Variants in STAG2 observed in about 807,000 individuals in gnomAD.
The protein encoded by STAG2 is cohesin subunit SA-2.
A neutral mutation model predicts 108.1 loss-of-function variants in STAG2; 14 were observed. That is an observed-to-expected ratio of 0.13 (90% CI 0.09 to 0.20). STAG2 has a LOEUF of 0.20. STAG2 is among the 10% of genes least tolerant of loss of function. The pLI is 1.00. For synonymous variants in STAG2, 307 were observed against 302.7 expected (o/e 1.01, Z -0.15); for missense variants, 440 against 940.9 (o/e 0.47, Z 6.96).
intron 9 of STAG2, among the ~76,000 whole-genome samples, chrX:124,047,731 G>C (rs1375697200): frequency 8.9e-6 from 1 of 111,770 alleles, no homozygotes; most frequent in Non-Finnish European, 1.9e-5. Flanking sequence ...TTTAAGTAAG[G>C]GGACTGGGGT....
At chrX:124,065,421 A>T (rs2058496546) in intron 20 of STAG2, among the ~76,000 whole-genome samples, 1 of 111,551 alleles carries the variant, frequency 9.0e-6, no homozygotes, top group Non-Finnish European at 1.9e-5. Context: ...TCCAAATGGG[A>T]CCAGCATATC....
chrX:124,067,007 AGTG>A (rs2058549402), intron 23 of STAG2, among the ~76,000 whole-genome samples: 1 of 111,518 alleles, frequency 9.0e-6, no homozygotes, highest in African/African-American at 3.3e-5. Context: ...TTGTACTTGT[AGTG>A]CTGGATATTA....
chrX:124,060,235 T>C (rs1023145262), intron 15 of STAG2, among the ~76,000 whole-genome samples: 1 of 111,386 alleles, frequency 9.0e-6, no homozygotes, highest in African/African-American at 3.3e-5. Context: ...GTTCAAGTGA[T>C]TCTCCCACCT....
At chrX:123,965,773 G>A (rs1385706653) in intron 1 of STAG2, among the ~76,000 whole-genome samples, 3 of 110,686 alleles carry the variant, frequency 2.7e-5, no homozygotes, top group Non-Finnish European at 5.7e-5. Context: ...AGGCTGAAGT[G>A]GGGGGATCAC....
intron 25 of STAG2, among the ~76,000 whole-genome samples, chrX:124,074,538 TC>T (rs1345521513): frequency 9.0e-6 from 1 of 111,700 alleles, no homozygotes; most frequent in African/African-American, 3.3e-5. Context: ...TTACCCTCCT[TC>T]CAGCAGCATA....
chrX:123,996,155 A>G (rs911452917), intron 1 of STAG2, among the ~76,000 whole-genome samples: 7 of 112,664 alleles, frequency 6.2e-5, no homozygotes, highest in Middle Eastern at 9.2e-3. Flanking sequence ...TGTTAAAATT[A>G]CAAATGCATA....
At chrX:124,033,610 A>G (rs2057412928) in intron 5 of STAG2, among the ~76,000 whole-genome samples, 1 of 110,880 alleles carries the variant, frequency 9.0e-6, no homozygotes, top group Non-Finnish European at 1.9e-5. Context: ...AAAAATAAAA[A>G]AGTTAGCTGG....
At chrX:124,025,224 C>T (rs1428843652) in intron 3 of STAG2, among the ~76,000 whole-genome samples, 1 of 111,866 alleles carries the variant, frequency 8.9e-6, no homozygotes, top group Non-Finnish European at 1.9e-5. Flanking sequence ...AGTACCAAAA[C>T]TGTTCTCCTG....
chrX:124,011,264 T>C (rs2056512712), intron 1 of STAG2, among the ~76,000 whole-genome samples: 2 of 112,341 alleles, frequency 1.8e-5, no homozygotes, highest in South Asian at 7.2e-4. Context: ...TAAGAGTTTT[T>C]ATGTGTGTGT....
chrX:123,990,239 AAGT>A (rs1393683483), intron 1 of STAG2, among the ~76,000 whole-genome samples: 5 of 111,822 alleles, frequency 4.5e-5, no homozygotes, highest in East Asian at 5.6e-4. Flanking sequence ...CATGCAAATG[AAGT>A]AGTGGCCTGT....
chrX:124,013,324 AACACACAC>A (rs71886288), intron 1 of STAG2, among the ~76,000 whole-genome samples: 5 of 103,658 alleles, frequency 4.8e-5, no homozygotes, highest in Non-Finnish European at 9.9e-5. Flanking sequence ...CACACACACA[AACACACAC>A]ACACACACAC....
At chrX:124,099,238 G>T (rs774504550) in intron 34 of STAG2, among the ~76,000 whole-genome samples, 65 of 111,735 alleles carry the variant, frequency 5.8e-4, no homozygotes, top group Non-Finnish European at 1.2e-3. Context: ...ACTCTGTTTG[G>T]AAAGAACTTG....
chrX:124,013,771 G>T, intron 1 of STAG2, among the ~76,000 whole-genome samples: 1 of 111,196 alleles, frequency 9.0e-6, no homozygotes, highest in East Asian at 2.8e-4. Context: ...CAGGATTCCA[G>T]TACCAGAATG....
chrX:123,995,266 G>T (rs2055676783), intron 1 of STAG2, among the ~76,000 whole-genome samples: 1 of 111,910 alleles, frequency 8.9e-6, no homozygotes, highest in Non-Finnish European at 1.9e-5. Flanking sequence ...GTCACGACTA[G>T]GGAGATATGG....
At chrX:123,975,103 A>G (rs2054558939) in intron 1 of STAG2, among the ~76,000 whole-genome samples, 1 of 111,699 alleles carries the variant, frequency 9.0e-6, no homozygotes, top group Non-Finnish European at 1.9e-5. Context: ...CTAGAATGTT[A>G]TTACAAAGAA....
chrX:123,965,014 T>C (rs1472992738), intron 1 of STAG2, among the ~76,000 whole-genome samples: 3 of 108,234 alleles, frequency 2.8e-5, no homozygotes, highest in African/African-American at 1.0e-4. Flanking sequence ...GGTTTATTTT[T>C]TTCCCCCAGG....
At chrX:124,077,648 T>G (rs187761748) in intron 26 of STAG2, among the ~76,000 whole-genome samples, 1 of 112,173 alleles carries the variant, frequency 8.9e-6, no homozygotes, top group Non-Finnish European at 1.9e-5. Context: ...TTTGTGTTAC[T>G]TCTGAAAATC....
chrX:123,963,052 T>G (rs1018059376), intron 1 of STAG2: 3 of 111,771 alleles, frequency 2.7e-5, no homozygotes, highest in African/African-American at 9.8e-5. Flanking sequence ...CCTAGTGCGG[T>G]CCAACCTCTG....
chrX:124,092,406 C>T (rs1373106890), intron 32 of STAG2, among the ~76,000 whole-genome samples: 1 of 111,479 alleles, frequency 9.0e-6, no homozygotes, highest in African/African-American at 3.3e-5. Flanking sequence ...TCTTGGCTTC[C>T]AAGTAGTCGC....
Sources: allele counts gnomAD v4.1 joint callset (sites outside exome capture counted in the v4.1 genomes callset), GRCh38; gene constraint gnomAD v4.1.1; transcripts MANE v1.5; gene names NCBI Gene and HGNC (gene_info 2026-07-23, HGNC 2026-07-21).